The following RPS6KC1 variants were observed in gnomAD, a reference collection of about 807,000 sequenced individuals.
The protein encoded by RPS6KC1 is ribosomal protein S6 kinase C1.
Under a neutral mutation model 103.8 loss-of-function variants are expected in RPS6KC1, and 54 were observed. The observed-to-expected ratio is 0.52, with a 90% confidence interval of 0.42 to 0.65. The LOEUF is 0.65. RPS6KC1 is among the 30% of genes least tolerant of loss of function. The pLI is 0.00. For missense variants in RPS6KC1, 1,151 were observed against 1,253.8 expected (o/e 0.92, Z 1.24); for synonymous variants, 439 against 438.7 (o/e 1.00, Z -0.01).
chr1:213,524,704 G>A, the RPS6KC1 span, among the ~76,000 whole-genome samples: 1 of 152,138 alleles, frequency 6.6e-6, no homozygotes, highest in East Asian at 1.9e-4. Flanking sequence ...CCTACTCACA[G>A]GACTATCCCA....
chr1:213,440,995 G>GT, the RPS6KC1 span, among the ~76,000 whole-genome samples: 1 of 152,214 alleles, frequency 6.6e-6, no homozygotes, highest in Non-Finnish European at 1.5e-5. Context: ...AAACACTCAT[G>GT]TCTGGGCTCT....
At chr1:213,112,580 A>G (rs1017110873) in intron 4 of RPS6KC1, among the ~76,000 whole-genome samples, 2 of 150,946 alleles carry the variant, frequency 1.3e-5, no homozygotes, top group Admixed American at 6.6e-5. Flanking sequence ...TATTATTATT[A>G]TACTTTAAGT....
At chr1:213,108,660 T>G (rs2082717854) in intron 4 of RPS6KC1, among the ~76,000 whole-genome samples, 1 of 151,482 alleles carries the variant, frequency 6.6e-6, no homozygotes, top group Non-Finnish European at 1.5e-5. Context: ...CTTCTTTTTT[T>G]TTTTTTTTTA....
At chr1:213,309,487 G>A in the RPS6KC1 span, among the ~76,000 whole-genome samples, 1 of 152,130 alleles carries the variant, frequency 6.6e-6, no homozygotes, top group Non-Finnish European at 1.5e-5. Flanking sequence ...GAAAAGTATC[G>A]GAGTTCATAG....
Position 213,123,068 on chromosome 1 carries a change from T to C in RPS6KC1, c.472+5658T>C, listed in dbSNP as rs150780680. Among the ~76,000 whole-genome samples the C allele has an allele frequency of 4.0e-3, 612 of 152,320 alleles. 1 individual carries two copies. The highest frequency in any genetic ancestry group is 6.6e-3 in the Non-Finnish European group (452 of 68,020). ...ATAAATGATACACTTAAATGTCTTA[T>C]TTCACAATTACAGAGTTTGAATTTC... On this transcript the variant is annotated intron_variant, in intron 5 of 14. Coordinates refer to ENST00000366960, the MANE Select transcript of RPS6KC1 (RefSeq NM_012424.6).
intron 6 of RPS6KC1, among the ~76,000 whole-genome samples, chr1:213,132,999 G>A (rs898643241): frequency 1.3e-5 from 2 of 152,168 alleles, no homozygotes; most frequent in Admixed American, 6.6e-5. Context: ...AAACACAATA[G>A]CAACAGCTCT....
the RPS6KC1 span, among the ~76,000 whole-genome samples, chr1:213,361,355 C>G: frequency 2.6e-5 from 4 of 152,264 alleles, no homozygotes; most frequent in Non-Finnish European, 4.4e-5. Context: ...ACCCTCTGAA[C>G]CAGGAGCGGG....
chr1:213,402,859 C>T, the RPS6KC1 span, among the ~76,000 whole-genome samples: 1 of 149,404 alleles, frequency 6.7e-6, no homozygotes, highest in African/African-American at 2.5e-5. Context: ...AAAAAATATA[C>T]TTTTTTTGGG....
intron 3 of RPS6KC1, among the ~76,000 whole-genome samples, chr1:213,087,180 A>T (rs2080474950): frequency 6.6e-6 from 1 of 152,120 alleles, no homozygotes; most frequent in Non-Finnish European, 1.5e-5. Flanking sequence ...AATGAAGTTG[A>T]ATTATTATCT....
the RPS6KC1 span, among the ~76,000 whole-genome samples, chr1:213,691,709 C>A: frequency 3.3e-5 from 5 of 152,072 alleles, no homozygotes; most frequent in African/African-American, 9.7e-5. Flanking sequence ...ATTGTGTTTT[C>A]TTCTAGTATT....
intron 7 of RPS6KC1, among the ~76,000 whole-genome samples, chr1:213,168,432 G>C (rs1196658791): frequency 6.6e-6 from 1 of 152,140 alleles, no homozygotes; most frequent in Non-Finnish European, 1.5e-5. Flanking sequence ...TGGGACTTCT[G>C]CTAGACTTGT....
the RPS6KC1 span, among the ~76,000 whole-genome samples, chr1:213,813,248 C>G: frequency 1.3e-5 from 2 of 151,968 alleles, no homozygotes; most frequent in African/African-American, 2.4e-5. Flanking sequence ...GAGGCTCTGT[C>G]TCCCGCTGTC....
At chr1:213,742,498 T>C in the RPS6KC1 span, among the ~76,000 whole-genome samples, 1 of 152,254 alleles carries the variant, frequency 6.6e-6, no homozygotes, top group Admixed American at 6.5e-5. Flanking sequence ...AGCTGAAGAA[T>C]ACCTTTGGTT....
At chr1:213,236,574 A>G (rs2094225363) in intron 10 of RPS6KC1, among the ~76,000 whole-genome samples, 1 of 152,180 alleles carries the variant, frequency 6.6e-6, no homozygotes. Context: ...AAACTATTTG[A>G]GAGAGAAAGG....
the RPS6KC1 span, among the ~76,000 whole-genome samples, chr1:213,544,531 T>C: frequency 6.6e-6 from 1 of 152,234 alleles, no homozygotes; most frequent in South Asian, 2.1e-4. Flanking sequence ...CCAGTCATCC[T>C]TCCGTGGCCC....
chr1:213,715,776 A>G, the RPS6KC1 span, among the ~76,000 whole-genome samples: 2 of 152,208 alleles, frequency 1.3e-5, no homozygotes, highest in Non-Finnish European at 2.9e-5. Context: ...GGAAAAATAT[A>G]ATAAAGCCAG....
the RPS6KC1 span, among the ~76,000 whole-genome samples, chr1:213,559,521 A>G: frequency 2.0e-5 from 3 of 152,232 alleles, no homozygotes; most frequent in Admixed American, 6.5e-5. Context: ...ATAACATACT[A>G]TAAGACACAT....
the RPS6KC1 span, among the ~76,000 whole-genome samples, chr1:213,638,004 A>C: frequency 6.6e-6 from 1 of 151,834 alleles, no homozygotes; most frequent in Non-Finnish European, 1.5e-5. Context: ...TTTTTTGTAG[A>C]GATGGAGTCT....
chr1:213,389,272 G>A, the RPS6KC1 span, among the ~76,000 whole-genome samples: 1 of 152,308 alleles, frequency 6.6e-6, no homozygotes, highest in Middle Eastern at 3.4e-3. Context: ...AGTTGGAGAT[G>A]TACTGCCAAC....
Sources: allele counts gnomAD v4.1 joint callset (sites outside exome capture counted in the v4.1 genomes callset), GRCh38; gene constraint gnomAD v4.1.1; transcripts MANE v1.5; gene names NCBI Gene and HGNC (gene_info 2026-07-23, HGNC 2026-07-21).